Variants in SLC12A2 observed in about 807,000 individuals in gnomAD.
SLC12A2 encodes the protein Na-K-2Cl cotransporter 1.
A neutral mutation model predicts 136.3 loss-of-function variants in SLC12A2; 67 were observed. The ratio of observed to expected loss-of-function variants is 0.49; its 90% CI spans 0.40 to 0.60. The LOEUF (loss-of-function observed/expected upper bound fraction) is 0.60. SLC12A2 is among the 20% of genes least tolerant of loss of function. SLC12A2 has a pLI of 0.00. For synonymous variants in SLC12A2, 619 were observed against 562.9 expected, an observed-to-expected ratio of 1.10 and a Z score of -1.41; for missense variants, 1,322 against 1,534.7, an observed-to-expected ratio of 0.86 and a Z score of 2.32.
intron 22 of SLC12A2, among the ~76,000 whole-genome samples, chr5:128,180,259 C>T (rs1321220027): frequency 1.3e-5 from 2 of 151,958 alleles, no homozygotes; most frequent in African/African-American, 4.8e-5. Flanking sequence ...TGTGAGCCAC[C>T]ACGCCCAGCC....
At chr5:128,093,486 T>G in intron 1 of SLC12A2, among the ~76,000 whole-genome samples, 1 of 152,116 alleles carries the variant, frequency 6.6e-6, no homozygotes, top group South Asian at 2.1e-4. Flanking sequence ...GCTCACAAAC[T>G]TAGTATTTCT....
chr5:128,152,559 A>G, intron 14 of SLC12A2, 147 bp from the exon 15 acceptor site: 3 of 624,902 alleles, frequency 4.8e-6, no homozygotes, highest in South Asian at 3.7e-5. Flanking sequence ...ATCTTGCTGT[A>G]TATGTGAACT....
chr5:128,139,084 A>G (rs1010153632), intron 9 of SLC12A2, among the ~76,000 whole-genome samples, 176 bp downstream of exon 9: 6 of 152,160 alleles, frequency 3.9e-5, no homozygotes, highest in South Asian at 4.1e-4. Flanking sequence ...AATGACTTCT[A>G]TAGACATTAT....
At chr5:128,168,083 T>A (rs1238764248) in intron 18 of SLC12A2, 1 of 385,680 alleles carries the variant, frequency 2.6e-6, no homozygotes, top group Non-Finnish European at 4.5e-6. Context: ...CATATATATA[T>A]ATATACACAC....
intron 7 of SLC12A2, among the ~76,000 whole-genome samples, chr5:128,136,286 T>C (rs1345749999): frequency 6.6e-6 from 1 of 152,150 alleles, no homozygotes; most frequent in Non-Finnish European, 1.5e-5. Flanking sequence ...TAGATTCAGG[T>C]TATTTATGTT....
rs192497006 is a variant in SLC12A2 at position 128,140,288 on chromosome 5, C to T, written c.1621+1380C>T. On this transcript the variant is annotated intron_variant, in intron 9 of 26. Coordinates refer to ENST00000262461, the MANE Select transcript of SLC12A2 (RefSeq NM_001046.3). The stretch of plus-strand genomic sequence containing the variant: ...TGCTGGGATTACAGGTGTGAGCCAC[C>T]GCGCCCAGCCTGAATTGGCATTTAC... Among the ~76,000 whole-genome samples the T allele has an allele frequency of 1.2e-3, 181 of 152,192 alleles. 1 individual carries two copies. In the East Asian group the frequency reaches 0.03, roughly 25 times the overall value.
At chr5:128,178,866 C>T (rs1443359507) in intron 22 of SLC12A2, among the ~76,000 whole-genome samples, 177 bp downstream of exon 22, 26 of 152,156 alleles carry the variant, frequency 1.7e-4, no homozygotes, top group Admixed American at 1.7e-3. Flanking sequence ...TCTTCAGTAT[C>T]CCTAATGCGG....
At chr5:128,138,277 C>T (rs767273462) in intron 7 of SLC12A2, among the ~76,000 whole-genome samples, 15 of 152,096 alleles carry the variant, frequency 9.9e-5, no homozygotes, top group Non-Finnish European at 2.1e-4. Context: ...CTTCTTTTAC[C>T]TCAGAGATTG....
intron 4 of SLC12A2, among the ~76,000 whole-genome samples, chr5:128,127,116 A>ATTTTT (rs35726459): frequency 4.4e-5 from 3 of 68,752 alleles, no homozygotes; most frequent in African/African-American, 1.3e-4. Flanking sequence ...TTGGTCTGGA[A>ATTTTT]TTTTTTTTTT....
intron 25 of SLC12A2, 53 bp from the exon 26 acceptor site, chr5:128,184,736 G>A (rs763253240): frequency 6.2e-7 from 1 of 1,609,178 alleles, no homozygotes; most frequent in South Asian, 1.1e-5. Context: ...TATGAACCAT[G>A]CTAAATTCTT....
intron 1 of SLC12A2, among the ~76,000 whole-genome samples, chr5:128,101,595 A>G (rs1210524602): frequency 3.3e-5 from 5 of 152,174 alleles, no homozygotes; most frequent in Non-Finnish European, 7.4e-5. Flanking sequence ...TAAAATAAAG[A>G]TCCCCACTCT....
chr5:128,135,898 A>T (rs1386258915), intron 7 of SLC12A2, 90 bp downstream of exon 7: 1 of 780,758 alleles, frequency 1.3e-6, no homozygotes, highest in African/African-American at 1.8e-5. Context: ...ATATTTTGTA[A>T]CAGAATTGAC....
At position 128,115,841 on chromosome 5, in the gene SLC12A2, C is replaced by T. The variant is rs142687263; in HGVS notation, c.1048+1160C>T. ...ACCAGATTGAGCTTTTCATTTTTCA[C>T]CATTGTCTTTATATGTTTTAGACAC... On this transcript the variant is annotated intron_variant, in intron 4 of 26. Transcript: ENST00000262461. Among the ~76,000 whole-genome samples, 602 of 152,278 alleles carry T rather than the reference C, an allele frequency of 4.0e-3. 5 individuals carry two copies. Among genetic ancestry groups the T allele is most frequent in the African/African-American group, 0.014 (585 of 41,556 alleles).
At chr5:128,088,276 G>A (rs1186362725) in intron 1 of SLC12A2, among the ~76,000 whole-genome samples, 1 of 152,086 alleles carries the variant, frequency 6.6e-6, no homozygotes, top group African/African-American at 2.4e-5. Context: ...GGGAAGCTGA[G>A]AGAAAAGAGT....
chr5:128,163,880 T>C (rs973299929), intron 17 of SLC12A2, among the ~76,000 whole-genome samples: 4 of 152,190 alleles, frequency 2.6e-5, no homozygotes, highest in Non-Finnish European at 4.4e-5. Context: ...AACGGCGCGG[T>C]AGATACATGA....
intron 1 of SLC12A2, among the ~76,000 whole-genome samples, chr5:128,100,768 T>C (rs1298094109): frequency 2.0e-5 from 3 of 152,206 alleles, no homozygotes; most frequent in Admixed American, 2.0e-4. Flanking sequence ...TAATTTGAAA[T>C]AGAAATTGTA....
chr5:128,107,455 G>A (rs746676657), intron 1 of SLC12A2, among the ~76,000 whole-genome samples: 6 of 151,900 alleles, frequency 3.9e-5, no homozygotes, highest in African/African-American at 1.2e-4. Context: ...CCTCCCTGCC[G>A]CAACAGACCC....
At chr5:128,091,874 T>C (rs373293654) in intron 1 of SLC12A2, among the ~76,000 whole-genome samples, 48 of 152,352 alleles carry the variant, frequency 3.2e-4, no homozygotes, top group African/African-American at 1.1e-3. Flanking sequence ...TTTTTCTGAA[T>C]AGTCACAAAT....
intron 18 of SLC12A2, chr5:128,169,452 C>G (rs922764059): frequency 6.6e-6 from 1 of 152,120 alleles, no homozygotes; most frequent in African/African-American, 2.4e-5. Flanking sequence ...GGATCTCATA[C>G]TCTACTTTTT....
Sources: gnomAD v4.1 joint callset for allele counts (sites outside exome capture counted in the v4.1 genomes callset) on GRCh38, gnomAD v4.1.1 for gene constraint, MANE v1.5 for transcripts, NCBI Gene and HGNC (gene_info 2026-07-23, HGNC 2026-07-21) for gene names.